The following PDE4D variants were observed in gnomAD, a reference collection of about 807,000 sequenced individuals.
The protein encoded by PDE4D is phosphodiesterase 4D.
In PDE4D, 24 loss-of-function variants were observed where a neutral mutation model predicts 87.4. The ratio of observed to expected loss-of-function variants is 0.27; its 90% CI spans 0.20 to 0.39. The LOEUF is 0.39. Among genes scored for constraint, PDE4D ranks in the 10% least tolerant of loss-of-function variants. PDE4D has a pLI of 1.00. For synonymous variants in PDE4D, 384 were observed against 383.2 expected (o/e 1.00, Z -0.02); for missense variants, 714 against 1,041.0 (o/e 0.69, Z 4.32).
chr5:60,337,406 C>CACAT (rs1757906950), intron 1 of PDE4D, among the ~76,000 whole-genome samples: 2 of 138,196 alleles, frequency 1.4e-5, no homozygotes, highest in Non-Finnish European at 3.1e-5. Context: ...CACACACACA[C>CACAT]ATATATCAAT....
intron 1 of PDE4D, among the ~76,000 whole-genome samples, chr5:60,469,792 T>C (rs1412290535): frequency 6.6e-6 from 1 of 152,208 alleles, no homozygotes; most frequent in Non-Finnish European, 1.5e-5. Flanking sequence ...GAATAATGTG[T>C]ATTCTCTAAC....
At chr5:59,256,885 C>T (rs891953476) in intron 1 of PDE4D, among the ~76,000 whole-genome samples, 5 of 151,912 alleles carry the variant, frequency 3.3e-5, no homozygotes, top group African/African-American at 4.8e-5. Flanking sequence ...GTATGGCATA[C>T]GAGTTATATC....
intron 1 of PDE4D, among the ~76,000 whole-genome samples, chr5:59,673,100 T>A (rs1747486979): frequency 6.6e-6 from 1 of 152,228 alleles, no homozygotes; most frequent in African/African-American, 2.4e-5. Flanking sequence ...CGAGTGTATA[T>A]CTTTGATCAG....
At chr5:59,777,545 C>T (rs1223512453) in intron 1 of PDE4D, among the ~76,000 whole-genome samples, 1 of 152,134 alleles carries the variant, frequency 6.6e-6, no homozygotes. Context: ...TGATTCAGTA[C>T]ATCTGGGGTG....
At chr5:60,044,529 A>C (rs760955577) in intron 2 of PDE4D, among the ~76,000 whole-genome samples, 4 of 150,378 alleles carry the variant, frequency 2.7e-5, no homozygotes, top group Non-Finnish European at 5.9e-5. Context: ...CCCACCCCAC[A>C]ATAGTCCCCA....
chr5:59,072,849 G>A (rs1765068776), intron 5 of PDE4D, among the ~76,000 whole-genome samples: 1 of 152,030 alleles, frequency 6.6e-6, no homozygotes, highest in Admixed American at 6.6e-5. Context: ...CTCTTTCTTT[G>A]TTAGTGTATT....
intron 1 of PDE4D, among the ~76,000 whole-genome samples, chr5:59,699,214 T>C (rs1199306630): frequency 6.6e-6 from 1 of 152,166 alleles, no homozygotes; most frequent in East Asian, 1.9e-4. Flanking sequence ...GAAGCAGGTA[T>C]GTTAAATTAT....
chr5:60,080,575 G>T (rs1333513113), intron 2 of PDE4D, among the ~76,000 whole-genome samples: 3 of 152,130 alleles, frequency 2.0e-5, no homozygotes, highest in Non-Finnish European at 4.4e-5. Context: ...AGTTTATTGT[G>T]AGTTTTTAAC....
intron 3 of PDE4D, among the ~76,000 whole-genome samples, chr5:59,960,759 G>A (rs1166960617): frequency 1.3e-5 from 2 of 151,982 alleles, no homozygotes; most frequent in African/African-American, 4.8e-5. Flanking sequence ...TGGGTACTAT[G>A]TTCATTATCT....
intron 3 of PDE4D, among the ~76,000 whole-genome samples, chr5:59,947,452 T>A (rs1023881786): frequency 2.6e-5 from 4 of 152,170 alleles, no homozygotes; most frequent in African/African-American, 9.7e-5. Context: ...AGCCTACAGA[T>A]TGTAAGTCTT....
intron 5 of PDE4D, among the ~76,000 whole-genome samples, chr5:59,072,959 T>C (rs951054236): frequency 3.9e-5 from 6 of 152,338 alleles, no homozygotes; most frequent in Non-Finnish European, 5.9e-5. Context: ...AGGTCATGAA[T>C]CGCTTAGATG....
At chr5:60,215,277 C>T (rs1743727127) in intron 1 of PDE4D, among the ~76,000 whole-genome samples, 1 of 152,010 alleles carries the variant, frequency 6.6e-6, no homozygotes, top group African/African-American at 2.4e-5. Context: ...ATCAACCAAC[C>T]ACAAAATCTG....
rs114712392 is a variant in PDE4D, at chr5:58,988,450, G to A, written c.1552+43C>T. On this transcript the variant is annotated intron_variant, in intron 11 of 14. Coordinates refer to ENST00000340635, the MANE Select transcript of PDE4D (RefSeq NM_001104631.2). ...TAAAGACCCTTAGTCATTCTAAAAT[G>A]TACAAGGGAAAAATGTGTTCTGAAA... 4.8e-3 allele frequency: 3,973 copies of A among 821,188 alleles called. 23 individuals carry two copies. Among genetic ancestry groups the A allele is most frequent in the Non-Finnish European group, 6.3e-3 (3,426 of 542,542 alleles). The allele number at this position is 821,188 out of a possible 1,614,324, so 50.9% of individuals were successfully genotyped here. A position where few individuals can be genotyped will look rare whatever the true frequency, so the allele number is the denominator to read the frequency against.
intron 1 of PDE4D, among the ~76,000 whole-genome samples, chr5:59,796,772 A>T (rs929155156): frequency 5.9e-5 from 9 of 152,086 alleles, no homozygotes; most frequent in Admixed American, 2.6e-4. Flanking sequence ...TATTTCTTTC[A>T]TTTGAAAACA....
chr5:60,445,376 G>A lies in PDE4D; in HGVS notation c.-90+42566C>T, dbSNP rs7722411. Among the ~76,000 whole-genome samples the A allele has an allele frequency of 4.0e-3, 613 of 152,198 alleles. 6 individuals are homozygous for A. Among genetic ancestry groups the A allele is most frequent in the African/African-American group, 0.014 (586 of 41,554 alleles). ...GTTTTTTCAAGGTAAAACTTAAAAA[G>A]CAAAGGATAGATTATTCAACAAATC... On this transcript the variant is annotated intron_variant, in intron 1 of 16. Transcript: ENST00000502484.
chr5:59,185,372 T>C (rs2153480546), intron 3 of PDE4D, 110 bp from the exon 4 acceptor site: 2 of 715,194 alleles, frequency 2.8e-6, no homozygotes, highest in East Asian at 2.7e-5. Context: ...TAGTTTCATA[T>C]ACCACTAAAG....
intron 1 of PDE4D, among the ~76,000 whole-genome samples, chr5:59,704,849 G>GA (rs1032752006): frequency 1.3e-5 from 2 of 152,038 alleles, no homozygotes; most frequent in African/African-American, 2.4e-5. Context: ...ATACAAAATG[G>GA]AAAAAATGGA....
intron 1 of PDE4D, among the ~76,000 whole-genome samples, chr5:59,261,355 G>T (rs1393013339): frequency 6.6e-6 from 1 of 151,722 alleles, no homozygotes; most frequent in Non-Finnish European, 1.5e-5. Context: ...CAGTAACAAA[G>T]GAATATATAA....
chr5:59,273,022 C>G (rs1161921272), intron 1 of PDE4D, among the ~76,000 whole-genome samples: 1 of 152,084 alleles, frequency 6.6e-6, no homozygotes, highest in African/African-American at 2.4e-5. Flanking sequence ...CAATGGAACA[C>G]AAAATAGATT....
Sources: allele counts gnomAD v4.1 joint callset (sites outside exome capture counted in the v4.1 genomes callset), GRCh38; gene constraint gnomAD v4.1.1; transcripts MANE v1.5; gene names NCBI Gene and HGNC (gene_info 2026-07-23, HGNC 2026-07-21).